Variants in ZFYVE9 observed in about 807,000 individuals in gnomAD.
ZFYVE9 encodes the protein zinc finger FYVE-type containing 9.
Under a neutral mutation model 126.7 loss-of-function variants are expected in ZFYVE9, and 43 were observed. The ratio of observed to expected loss-of-function variants is 0.34; its 90% CI spans 0.27 to 0.44. ZFYVE9 has a LOEUF of 0.44. Ranked by LOEUF, ZFYVE9 falls within the 20% of genes least tolerant of loss-of-function variation. The probability of loss-of-function intolerance (pLI) is 1.00; values close to 1 mark genes in which losing one functional copy is unlikely to be tolerated. For synonymous variants in ZFYVE9, 521 were observed against 597.4 expected (o/e 0.87, Z 1.87); for missense variants, 1,476 against 1,697.0 (o/e 0.87, Z 2.29).
intron 13 of ZFYVE9, among the ~76,000 whole-genome samples, chr1:52,317,378 CG>C (rs1210006065): frequency 1.3e-5 from 2 of 151,294 alleles, no homozygotes; most frequent in Non-Finnish European, 2.9e-5. Flanking sequence ...AAAAATTATC[CG>C]GGCATGATGG....
Position 52,298,200 on chromosome 1 carries a change from G to A in ZFYVE9, c.3333+2223G>A, listed in dbSNP as rs911869561. ...TTGCTTTTATTGCCTGTGCTTTTGGGATCTTATCTAAAAATTCATTGCCTA... is the reference window on the plus strand; with the variant it reads ...TTGCTTTTATTGCCTGTGCTTTTGGAATCTTATCTAAAAATTCATTGCCTA... On this transcript the variant is annotated intron_variant, in intron 12 of 18. Coordinates refer to ENST00000287727, the MANE Select transcript of ZFYVE9 (RefSeq NM_004799.4). Among the ~76,000 whole-genome samples the A allele has an allele frequency of 3.9e-5, 6 of 151,956 alleles. No homozygotes were observed. In the South Asian group the frequency reaches 1.2e-3, roughly 32 times the overall value.
intron 1 of ZFYVE9, chr1:52,179,794 G>C: frequency 3.8e-6 from 2 of 525,888 alleles, no homozygotes; most frequent in African/African-American, 1.9e-5. Context: ...AAATAAAAAG[G>C]ATTTAAAGTG....
intron 9 of ZFYVE9, among the ~76,000 whole-genome samples, chr1:52,281,181 G>T (rs1351288141): frequency 5.5e-5 from 8 of 145,252 alleles, no homozygotes; most frequent in Non-Finnish European, 1.2e-4. Flanking sequence ...CGCCTAGGCT[G>T]GAGTGCAGTG....
At chr1:52,180,405 A>C in intron 1 of ZFYVE9, 2 of 1,501,460 alleles carry the variant, frequency 1.3e-6, no homozygotes, top group Non-Finnish European at 9.2e-7. Context: ...TAACCTGACA[A>C]GAGATGAGTT....
intron 3 of ZFYVE9, among the ~76,000 whole-genome samples, chr1:52,235,596 A>G (rs1385859139): frequency 2.0e-5 from 3 of 152,112 alleles, no homozygotes; most frequent in African/African-American, 4.8e-5. Flanking sequence ...TCTTCACACA[A>G]TCTGAGTTTT....
intron 5 of ZFYVE9, among the ~76,000 whole-genome samples, chr1:52,266,120 A>G (rs2147799940): frequency 6.6e-6 from 1 of 151,996 alleles, no homozygotes; most frequent in East Asian, 1.9e-4. Flanking sequence ...TTTTTTTGAG[A>G]TGGAGTCTTG....
At position 52,337,917 on chromosome 1, in the gene ZFYVE9, CAAG is replaced by C; in HGVS notation, c.3819_3821del (p.Lys1273del). On this transcript the variant is annotated inframe_deletion, in exon 16 of 19. Transcript: ENST00000287727. ...TCCACATCCAGTGGGTGGATGATGA[CAAG>C]AACGTTAGCAAGGGGTAAATGCAGC... 6.2e-7 allele frequency: 1 copy of C among 1,614,186 alleles called. No individual in the cohort carries two copies.
At chr1:52,179,976 T>C (rs1172016934) in intron 1 of ZFYVE9, 1 of 953,382 alleles carries the variant, frequency 1.0e-6, no homozygotes, top group Non-Finnish European at 1.7e-6. Context: ...CGTGACAACA[T>C]AGGAAGATAT....
At chr1:52,203,504 A>T (rs1252646409) in intron 1 of ZFYVE9, among the ~76,000 whole-genome samples, 6 of 141,002 alleles carry the variant, frequency 4.3e-5, no homozygotes, top group African/African-American at 1.1e-4. Context: ...AGATTAAAAA[A>T]ATTTTTTTTT....
At chr1:52,236,814 A>G (rs1645277135) in intron 3 of ZFYVE9, among the ~76,000 whole-genome samples, 1 of 152,162 alleles carries the variant, frequency 6.6e-6, no homozygotes. Context: ...TGTTGGGCAA[A>G]TTTAAAATAT....
chr1:52,172,226 C>T lies in ZFYVE9; in HGVS notation c.-143+29823C>T, dbSNP rs529111851. On this transcript the variant is annotated intron_variant, in intron 1 of 18. Transcript: ENST00000287727. Reference sequence around the variant, plus strand: ...TTTCAGCTTTCTACATATGGCTAGCCAGTTTTCCCAGCACCATTTATTAAA... The same window carrying T: ...TTTCAGCTTTCTACATATGGCTAGCTAGTTTTCCCAGCACCATTTATTAAA... Among the ~76,000 whole-genome samples the T allele has an allele frequency of 2.3e-3, 356 of 152,264 alleles. 3 individuals carry two copies. The highest frequency in any genetic ancestry group is 3.3e-3 in the South Asian group (16 of 4,822).
chr1:52,265,776 C>T (rs1569625877), intron 5 of ZFYVE9, among the ~76,000 whole-genome samples: 1 of 152,116 alleles, frequency 6.6e-6, no homozygotes, highest in African/African-American at 2.4e-5. Context: ...ATGTGTCCTC[C>T]TGAGCTTTAG....
At chr1:52,322,576 C>T (rs1027107556) in intron 13 of ZFYVE9, among the ~76,000 whole-genome samples, 2 of 151,542 alleles carry the variant, frequency 1.3e-5, no homozygotes, top group Admixed American at 6.6e-5. Context: ...CGGGGTTTCA[C>T]TATATTGGCC....
chr1:52,148,947 ATTTTTTTTTTTTT>A (rs56300233), intron 1 of ZFYVE9, among the ~76,000 whole-genome samples: 401 of 34,262 alleles, frequency 0.012, 8 homozygotes, highest in South Asian at 0.11. Flanking sequence ...CCTTAACATG[ATTTTTTTTTTTTT>A]TTTTTTTTTT....
chr1:52,191,981 A>T (rs1200788606), intron 1 of ZFYVE9, among the ~76,000 whole-genome samples: 1 of 151,660 alleles, frequency 6.6e-6, no homozygotes, highest in Non-Finnish European at 1.5e-5. Flanking sequence ...TTAAATGGAC[A>T]TGGTCTTAAC....
At chr1:52,329,115 A>T (rs1646317238) in intron 13 of ZFYVE9, among the ~76,000 whole-genome samples, 1 of 152,224 alleles carries the variant, frequency 6.6e-6, no homozygotes, top group African/African-American at 2.4e-5. Context: ...TATTGTTAAG[A>T]TGTCAATATT....
At chr1:52,254,121 C>A in intron 4 of ZFYVE9, 1 of 752,468 alleles carries the variant, frequency 1.3e-6, no homozygotes, top group Non-Finnish European at 2.2e-6. Flanking sequence ...GAAGAGAGCG[C>A]CATTGGTAAA....
At chr1:52,175,152 C>T (rs1209310665) in intron 1 of ZFYVE9, among the ~76,000 whole-genome samples, 1 of 151,946 alleles carries the variant, frequency 6.6e-6, no homozygotes, top group African/African-American at 2.4e-5. Flanking sequence ...CTGGTTGTTC[C>T]TTTCCATGTT....
intron 14 of ZFYVE9, among the ~76,000 whole-genome samples, chr1:52,334,388 C>T (rs1201953811): frequency 6.6e-6 from 1 of 152,188 alleles, no homozygotes; most frequent in Non-Finnish European, 1.5e-5. Context: ...GCCAGGCAGG[C>T]TATAGCTTGC....
Sources: allele counts gnomAD v4.1 joint callset (sites outside exome capture counted in the v4.1 genomes callset), GRCh38; gene constraint gnomAD v4.1.1; transcripts MANE v1.5; gene names NCBI Gene and HGNC (gene_info 2026-07-23, HGNC 2026-07-21).